The following CTTNBP2NL variants were observed in gnomAD, a reference collection of about 807,000 sequenced individuals.
The protein encoded by CTTNBP2NL is CTTNBP2 N-terminal-like protein.
CTTNBP2NL carries 16 observed loss-of-function variants against 32.5 expected under a neutral mutation model. The observed-to-expected ratio is 0.49, with a 90% CI of 0.33 to 0.75. The LOEUF is 0.75. CTTNBP2NL is among the 30% of genes least tolerant of loss of function. The pLI, the probability that CTTNBP2NL is intolerant of heterozygous loss-of-function variation, is 0.02. For missense variants in CTTNBP2NL, 645 were observed against 756.0 expected (o/e 0.85, Z 1.72); for synonymous variants, 298 against 289.4 (o/e 1.03, Z -0.30).
At chr1:112,444,686 C>T (rs760628656) in intron 3 of CTTNBP2NL, among the ~76,000 whole-genome samples, 2 of 151,748 alleles carry the variant, frequency 1.3e-5, no homozygotes, top group Non-Finnish European at 2.9e-5. Flanking sequence ...ATTACTAAAC[C>T]CCCTCCAAAC....
intron 1 of CTTNBP2NL, among the ~76,000 whole-genome samples, chr1:112,404,717 C>A (rs1039546459): frequency 6.6e-6 from 1 of 152,174 alleles, no homozygotes; most frequent in Non-Finnish European, 1.5e-5. Flanking sequence ...AATCATGTTA[C>A]AATTTCATTT....
At chr1:112,455,861 G>A in intron 5 of CTTNBP2NL, 70 bp from the exon 6 acceptor site, 1 of 1,151,296 alleles carries the variant, frequency 8.7e-7, no homozygotes, top group East Asian at 2.4e-5. Context: ...GTATACCAGA[G>A]AACAGCTAAC....
rs567005138 is a variant in CTTNBP2NL, at chr1:112,424,923, CT to C, written c.99+8660del. ...CCTCAAGCCCCAGGCTCAAGTGATC[CT>C]CCTGCCTTAGCCTCCCAAGTAGCTA... On this transcript the variant is annotated intron_variant, in intron 3 of 5. Coordinates refer to ENST00000271277, the MANE Select transcript of CTTNBP2NL (RefSeq NM_018704.3). Among the ~76,000 whole-genome samples, 22 of 152,026 alleles carry C rather than the reference CT, an allele frequency of 1.4e-4. No individual in the cohort carries two copies. The East Asian group carries it at 4.3e-3, about 30-fold the overall frequency.
chr1:112,422,601 C>T (rs1649264577), intron 3 of CTTNBP2NL, among the ~76,000 whole-genome samples: 2 of 152,104 alleles, frequency 1.3e-5, no homozygotes, highest in East Asian at 1.9e-4. Flanking sequence ...TTTTACATTC[C>T]ACAGATATAT....
intron 3 of CTTNBP2NL, among the ~76,000 whole-genome samples, chr1:112,431,785 A>G (rs1649573756): frequency 6.6e-6 from 1 of 152,152 alleles, no homozygotes; most frequent in South Asian, 2.1e-4. Context: ...TTTACACAAT[A>G]ATAATATCTA....
At chr1:112,435,360 G>A (rs1042610456) in intron 3 of CTTNBP2NL, among the ~76,000 whole-genome samples, 1 of 151,832 alleles carries the variant, frequency 6.6e-6, no homozygotes, top group Non-Finnish European at 1.5e-5. Flanking sequence ...CTCCTCAGGG[G>A]GCAGGTCCTT....
intron 3 of CTTNBP2NL, among the ~76,000 whole-genome samples, chr1:112,433,995 C>T (rs1307756898): frequency 1.3e-5 from 2 of 152,056 alleles, no homozygotes; most frequent in Non-Finnish European, 2.9e-5. Flanking sequence ...GCCTTGGCCT[C>T]CCAAAGGCCA....
chr1:112,398,337 G>C (rs1648391577), intron 1 of CTTNBP2NL, among the ~76,000 whole-genome samples: 1 of 152,140 alleles, frequency 6.6e-6, no homozygotes, highest in Non-Finnish European at 1.5e-5. Context: ...GAAAAGCATA[G>C]TATGCAGAGG....
chr1:112,454,666 A>G, intron 5 of CTTNBP2NL, 110 bp downstream of exon 5: 1 of 825,552 alleles, frequency 1.2e-6, no homozygotes, highest in Admixed American at 2.1e-5. Flanking sequence ...TTTGTGGTCA[A>G]ATAAGTTTAG....
intron 4 of CTTNBP2NL, among the ~76,000 whole-genome samples, chr1:112,453,134 G>T (rs1010716280): frequency 2.0e-5 from 3 of 151,706 alleles, no homozygotes; most frequent in African/African-American, 7.3e-5. Flanking sequence ...GGAAGGGGGT[G>T]GGGGAGGGAG....
intron 3 of CTTNBP2NL, among the ~76,000 whole-genome samples, chr1:112,432,785 C>T (rs1486213211): frequency 2.0e-5 from 3 of 151,416 alleles, no homozygotes; most frequent in Non-Finnish European, 4.4e-5. Flanking sequence ...TCAATCTTGC[C>T]ATCCTTCTAA....
At position 112,405,270 on chromosome 1, in the gene CTTNBP2NL, T is replaced by G. The variant is rs143692771; in HGVS notation, c.-133-6924T>G. On this transcript the variant is annotated intron_variant, in intron 1 of 5. Coordinates refer to ENST00000271277, the MANE Select transcript of CTTNBP2NL (RefSeq NM_018704.3). ...TTGTCTCAGATGAGAATACCTGAGA[T>G]GGTGTAAACAGATATCCAGGTAGAC... Among the ~76,000 whole-genome samples the G allele has an allele frequency of 3.0e-3, 451 of 152,316 alleles. 2 individuals are homozygous for G. The highest frequency in any genetic ancestry group is 0.01 in the African/African-American group (416 of 41,564).
intron 2 of CTTNBP2NL, among the ~76,000 whole-genome samples, chr1:112,413,449 T>C (rs1408973056): frequency 6.6e-6 from 1 of 152,172 alleles, no homozygotes; most frequent in Non-Finnish European, 1.5e-5. Context: ...TGTTCTACAT[T>C]TATTAACTTA....
At position 112,458,787 on chromosome 1, in the gene CTTNBP2NL, CAT is replaced by C. The variant is rs1557900790; in HGVS notation, c.*1377_*1378del. 6.6e-6 allele frequency: 1 copy of C among 152,200 alleles called. No homozygotes were observed. Among genetic ancestry groups the C allele is most frequent in the African/African-American group, 2.4e-5 (1 of 41,442 alleles). 9.4% of individuals were successfully genotyped at this position (152,200 alleles called of 1,614,324 possible). A position where few individuals can be genotyped will look rare whatever the true frequency, so the allele number is the denominator to read the frequency against. ...AGGTGTTCAAGACCAGCCTCATCAA[CAT>C]AGTGAGACCCCATCTCTATTAAAAA... On this transcript the variant is annotated 3_prime_UTR_variant, in exon 6 of 6. Coordinates refer to ENST00000271277, the MANE Select transcript of CTTNBP2NL (RefSeq NM_018704.3).
Position 112,437,673 on chromosome 1 carries a change from A to G in CTTNBP2NL, c.100-11269A>G, listed in dbSNP as rs1649777690. Among the ~76,000 whole-genome samples, 3 of 151,852 alleles carry G rather than the reference A, an allele frequency of 2.0e-5. No homozygotes were observed. In the South Asian group the frequency reaches 6.2e-4, roughly 32 times the overall value. On this transcript the variant is annotated intron_variant, in intron 3 of 5. Coordinates refer to ENST00000271277, the MANE Select transcript of CTTNBP2NL (RefSeq NM_018704.3). ...CAAGTAGCTGGGACTACAGGTGCCC[A>G]CCAGCACACCCAGCTAATTTTTTGT...
intron 1 of CTTNBP2NL, 38 bp downstream of exon 1, chr1:112,396,310 G>A (rs1417540132): frequency 2.6e-5 from 4 of 152,244 alleles, no homozygotes; most frequent in Non-Finnish European, 5.9e-5. Flanking sequence ...TGATGGCTGG[G>A]AGGCCGGGTT....
At chr1:112,425,956 C>CGTGTGTGT (rs376135147) in intron 3 of CTTNBP2NL, among the ~76,000 whole-genome samples, 204 of 119,754 alleles carry the variant, frequency 1.7e-3, no homozygotes, top group African/African-American at 2.1e-3. Flanking sequence ...ATCTGGATGC[C>CGTGTGTGT]GTGTGTGTGT....
At chr1:112,424,850 C>T (rs924438060) in intron 3 of CTTNBP2NL, among the ~76,000 whole-genome samples, 2 of 151,968 alleles carry the variant, frequency 1.3e-5, no homozygotes, top group Admixed American at 6.6e-5. Context: ...CAGGGTCTGA[C>T]TCTGTCACCC....
intron 4 of CTTNBP2NL, among the ~76,000 whole-genome samples, chr1:112,451,260 G>A (rs575669199): frequency 1.3e-5 from 2 of 150,664 alleles, no homozygotes; most frequent in East Asian, 2.0e-4. Flanking sequence ...CTTACACCCC[G>A]CCTCCCTTTC....
Sources: gnomAD v4.1 joint callset for allele counts (sites outside exome capture counted in the v4.1 genomes callset) on GRCh38, gnomAD v4.1.1 for gene constraint, MANE v1.5 for transcripts, NCBI Gene and HGNC (gene_info 2026-07-23, HGNC 2026-07-21) for gene names.